Variants in FRYL observed in about 807,000 individuals in gnomAD.
The protein encoded by FRYL is FRY like transcription coactivator.
FRYL carries 150 observed loss-of-function variants against 351.2 expected under a neutral mutation model. The observed-to-expected ratio is 0.43, with a 90% CI of 0.37 to 0.49. The LOEUF (loss-of-function observed/expected upper bound fraction) is 0.49. Among genes scored for constraint, FRYL ranks in the 20% least tolerant of loss-of-function variants. The pLI is 0.00. For synonymous variants in FRYL, 1,153 were observed against 1,257.1 expected (o/e 0.92, Z 1.75); for missense variants, 3,036 against 3,619.3 (o/e 0.84, Z 4.13).
chr4:48,573,345 A>G, intron 25 of FRYL, 102 bp from the exon 26 acceptor site: 1 of 740,104 alleles, frequency 1.4e-6, no homozygotes, highest in East Asian at 2.6e-5. Context: ...TGTTAATTCC[A>G]ATCCTACTGT....
chr4:48,566,656 T>A (rs1736867553), intron 28 of FRYL, among the ~76,000 whole-genome samples: 1 of 152,234 alleles, frequency 6.6e-6, no homozygotes, highest in Non-Finnish European at 1.5e-5. Context: ...AATAACAATG[T>A]GACTTTAATT....
intron 59 of FRYL, 67 bp downstream of exon 59, chr4:48,509,989 TCTG>T (rs771913238): frequency 3.3e-4 from 338 of 1,011,898 alleles, no homozygotes; most frequent in Non-Finnish European, 4.7e-4. Flanking sequence ...TCTGGGCTAT[TCTG>T]CTGCCAGGAT....
rs191917006 is a variant in FRYL, at chr4:48,738,445, T to C, written c.-383-27747A>G. On this transcript the variant is annotated intron_variant, in intron 1 of 63. Transcript: ENST00000358350. The stretch of plus-strand genomic sequence containing the variant: ...CAAAACTCTGATTAAAGCAATCAAA[T>C]AACTAAATAAATACATATTCTATGT... 2.7e-4 allele frequency among the ~76,000 whole-genome samples: 41 copies of C among 152,282 alleles called. No individual in the cohort carries two copies. The East Asian group carries it at 7.7e-3, about 29-fold the overall frequency.
At position 48,547,688 on chromosome 4, in the gene FRYL, C is replaced by T; in HGVS notation, c.4970G>A (p.Ser1657Asn). 1 of 1,605,800 alleles carries T rather than the reference C, an allele frequency of 6.2e-7. No individual in the cohort carries two copies. Among genetic ancestry groups the T allele is most frequent in the South Asian group, 1.1e-5 (1 of 89,920 alleles). ...GACAGAAGCAACAGTTCGGATGTTA[C>T]TATTGGGTCCCATTACTATTAATAA... is the stretch of plus-strand genomic sequence containing the variant. ...LHLLIVMGPN[S>N]NIRTVASVLL... is the part of the protein sequence containing the mutation. The change falls in exon 41 of 64, where the codon AGT becomes AAT. Residue 1657 changes from serine (S) to asparagine (N), a missense_variant. Around this residue, in one of 7 missense-constraint regions of FRYL, gnomAD observed 1,987 missense variants for 2,311.7 expected, o/e 0.86. Coordinates refer to ENST00000358350, the MANE Select transcript of FRYL (RefSeq NM_015030.2).
At chr4:48,605,595 T>G (rs1481881332) in intron 11 of FRYL, 146 bp downstream of exon 11, 9 of 622,240 alleles carry the variant, frequency 1.4e-5, no homozygotes, top group Non-Finnish European at 2.6e-5. Context: ...AAGAGACCTC[T>G]GAGCAACAGG....
intron 1 of FRYL, among the ~76,000 whole-genome samples, chr4:48,743,024 G>A (rs1010407421): frequency 1.5e-4 from 18 of 122,634 alleles, no homozygotes; most frequent in African/African-American, 2.4e-4. Flanking sequence ...TCATCACGTC[G>A]ATCAGGCTGG....
intron 13 of FRYL, among the ~76,000 whole-genome samples, chr4:48,601,659 C>G (rs1745723278): frequency 6.6e-6 from 1 of 152,120 alleles, no homozygotes; most frequent in Non-Finnish European, 1.5e-5. Flanking sequence ...CTTAAACCAA[C>G]ATTACTGATT....
intron 15 of FRYL, among the ~76,000 whole-genome samples, 162 bp from the exon 16 acceptor site, chr4:48,594,178 TTATAAG>T (rs78630567): frequency 0.41 from 61,940 of 151,438 alleles, 13,865 homozygotes; most frequent in Admixed American, 0.55. Context: ...AAATACATGA[TTATAAG>T]TATATTATTT....
At chr4:48,541,046 G>A (rs1299212180) in intron 45 of FRYL, 86 bp from the exon 46 acceptor site, 1 of 1,281,848 alleles carries the variant, frequency 7.8e-7, no homozygotes. Context: ...CTGAAAAATA[G>A]TAACTGGTAC....
chr4:48,534,774 T>G, intron 48 of FRYL, 89 bp from the exon 49 acceptor site: 1 of 792,544 alleles, frequency 1.3e-6, no homozygotes, highest in Non-Finnish European at 2.0e-6. Context: ...TTGGAAAACA[T>G]AGATTTAGCC....
intron 2 of FRYL, among the ~76,000 whole-genome samples, chr4:48,697,720 C>G (rs1766332241): frequency 6.6e-6 from 1 of 152,120 alleles, no homozygotes; most frequent in Non-Finnish European, 1.5e-5. Flanking sequence ...CTCAGGTGAT[C>G]CACCCGCATG....
intron 47 of FRYL, among the ~76,000 whole-genome samples, chr4:48,537,753 T>TA (rs1368016052): frequency 6.6e-6 from 1 of 152,176 alleles, no homozygotes; most frequent in Non-Finnish European, 1.5e-5. Flanking sequence ...GTGGTCACGA[T>TA]ATCAGCAGCT....
chr4:48,590,808 ACT>A lies in FRYL; in HGVS notation c.1356_1357del (p.Arg452SerfsTer15). On this transcript the variant is annotated frameshift_variant, in exon 17 of 64. Coordinates refer to ENST00000358350, the MANE Select transcript of FRYL (RefSeq NM_015030.2). LOFTEE classifies it high-confidence loss of function. ...CAAACTGTCTGCTATTACAAGGAAG[ACT>A]CTGAGACCTATGTTCATTCTCTTCA... The A allele has an allele frequency of 6.2e-7, 1 of 1,612,830 alleles. No homozygotes were observed. The highest frequency in any genetic ancestry group is 8.5e-7 in the Non-Finnish European group (1 of 1,179,622).
intron 3 of FRYL, among the ~76,000 whole-genome samples, chr4:48,682,924 A>T (rs1447196803): frequency 6.6e-6 from 1 of 152,196 alleles, no homozygotes; most frequent in Non-Finnish European, 1.5e-5. Context: ...CTGGGTACAT[A>T]CCCAAAGAAT....
chr4:48,561,174 T>C (rs1178333256), intron 33 of FRYL, among the ~76,000 whole-genome samples: 1 of 152,210 alleles, frequency 6.6e-6, no homozygotes, highest in African/African-American at 2.4e-5. Context: ...TACTAAGAAA[T>C]ACTTTTAAGT....
intron 37 of FRYL, 129 bp downstream of exon 37, chr4:48,551,365 A>G: frequency 1.8e-6 from 1 of 548,290 alleles, no homozygotes; most frequent in Non-Finnish European, 3.1e-6. Flanking sequence ...TCCAGCATGG[A>G]AATATATTTT....
intron 3 of FRYL, among the ~76,000 whole-genome samples, chr4:48,635,048 A>G: frequency 6.6e-6 from 1 of 152,166 alleles, no homozygotes; most frequent in East Asian, 1.9e-4. Context: ...ACAAGACTGA[A>G]CGTGCATGCT....
rs201401118 is a variant in FRYL at position 48,499,492 on chromosome 4, C to T, written c.8972G>A (p.Arg2991His). 3 of 1,613,780 alleles carry T rather than the reference C, an allele frequency of 1.9e-6. No homozygotes were observed. Among genetic ancestry groups the T allele is most frequent in the African/African-American group, 1.3e-5 (1 of 75,020 alleles). Residue 2991 changes from arginine to histidine, a missense_variant, in exon 64 of 64, where the codon CGC becomes CAC. By Grantham distance (29) the Arg-to-His change is conservative (BLOSUM62 0). Coordinates refer to ENST00000358350, the MANE Select transcript of FRYL (RefSeq NM_015030.2). Reference protein sequence around the residue: ...ELNLEIRESLRMVQSYQLLAQ... With the variant: ...ELNLEIRESLHMVQSYQLLAQ... ...TAGAAGTTGGTATGATTGCACCATG[C>T]GTAGAGACTCTCTTATTTCCAGATT...
chr4:48,616,817 C>T (rs1446265026), intron 7 of FRYL, among the ~76,000 whole-genome samples: 1 of 152,160 alleles, frequency 6.6e-6, no homozygotes, highest in Non-Finnish European at 1.5e-5. Context: ...ACCTGAATCA[C>T]ATTTTAATAT....
Sources: gnomAD v4.1 joint callset for allele counts (sites outside exome capture counted in the v4.1 genomes callset) on GRCh38, gnomAD v4.1.1 for gene constraint, gnomAD v4.1.1 regional missense constraint, MANE v1.5 for transcripts, NCBI Gene and HGNC (gene_info 2026-07-23, HGNC 2026-07-21) for gene names.